CHSY3: variants seen among roughly 807,000 people sequenced by gnomAD.
CHSY3 encodes the protein N-acetylgalactosaminyl-proteoglycan 3-beta-glucuronosyltransferase 3.
CHSY3 carries 35 observed loss-of-function variants against 67.2 expected under a neutral mutation model. That is an observed-to-expected ratio of 0.52 (90% CI 0.40 to 0.69). CHSY3 has a LOEUF of 0.69. Among genes scored for constraint, CHSY3 ranks in the 30% least tolerant of loss-of-function variants. The pLI is 0.00. For missense variants in CHSY3, 1,069 were observed against 1,138.5 expected (o/e 0.94, Z 0.88); for synonymous variants, 474 against 434.7 (o/e 1.09, Z -1.12).
At chr5:130,001,685 T>C in intron 2 of CHSY3, 1 of 706,016 alleles carries the variant, frequency 1.4e-6, no homozygotes, top group Non-Finnish European at 1.7e-6. Flanking sequence ...GTCTTGACTA[T>C]TCACAATTAT....
At chr5:129,967,084 C>T (rs1026311215) in intron 2 of CHSY3, among the ~76,000 whole-genome samples, 3 of 151,690 alleles carry the variant, frequency 2.0e-5, no homozygotes, top group African/African-American at 7.3e-5. Context: ...AATCCAAAGC[C>T]CTTGTTTAAC....
chr5:129,977,384 T>G (rs765332988), intron 2 of CHSY3, among the ~76,000 whole-genome samples: 1 of 152,216 alleles, frequency 6.6e-6, no homozygotes, highest in Non-Finnish European at 1.5e-5. Context: ...CTTGGGACTA[T>G]CTGTACCTTT....
At chr5:130,139,858 T>C (rs1174136602) in intron 2 of CHSY3, among the ~76,000 whole-genome samples, 1 of 152,212 alleles carries the variant, frequency 6.6e-6, no homozygotes, top group Non-Finnish European at 1.5e-5. Context: ...TAATAGATCT[T>C]ACCTCAAAAG....
chr5:129,950,499 A>G (rs144178426), intron 2 of CHSY3, among the ~76,000 whole-genome samples: 68 of 152,246 alleles, frequency 4.5e-4, no homozygotes, highest in Non-Finnish European at 2.8e-4. Flanking sequence ...TTTGCAGATG[A>G]TATGCTCTTA....
At chr5:130,050,430 T>C (rs553587195) in intron 2 of CHSY3, among the ~76,000 whole-genome samples, 34 of 152,244 alleles carry the variant, frequency 2.2e-4, no homozygotes, top group South Asian at 4.1e-4. Context: ...ACACAAAGAA[T>C]ACAAATTTAT....
chr5:130,049,721 T>C (rs1009663780), intron 2 of CHSY3, among the ~76,000 whole-genome samples: 1 of 152,042 alleles, frequency 6.6e-6, no homozygotes, highest in Non-Finnish European at 1.5e-5. Context: ...GGTAGTTTTG[T>C]TCCACAGTCA....
chr5:130,144,648 A>G (rs1769016602), intron 2 of CHSY3, among the ~76,000 whole-genome samples: 1 of 152,180 alleles, frequency 6.6e-6, no homozygotes, highest in Non-Finnish European at 1.5e-5. Context: ...GAAATGGAAA[A>G]AAAATCTTAA....
At chr5:130,143,914 T>C (rs1367895735) in intron 2 of CHSY3, among the ~76,000 whole-genome samples, 3 of 146,648 alleles carry the variant, frequency 2.0e-5, no homozygotes, top group African/African-American at 7.5e-5. Flanking sequence ...TGTATACTTT[T>C]ACTAACTGCA....
intron 2 of CHSY3, among the ~76,000 whole-genome samples, chr5:130,027,740 C>T (rs910410338): frequency 2.0e-5 from 3 of 151,670 alleles, no homozygotes; most frequent in African/African-American, 4.8e-5. Context: ...TTTGTTCTTG[C>T]GATAGTTTGC....
chr5:130,071,680 T>A (rs1329330480), intron 2 of CHSY3, among the ~76,000 whole-genome samples: 1 of 151,892 alleles, frequency 6.6e-6, no homozygotes, highest in Non-Finnish European at 1.5e-5. Flanking sequence ...AACATGGAAG[T>A]TCAGATAGCT....
chr5:130,162,914 A>T (rs1363423246), intron 2 of CHSY3, among the ~76,000 whole-genome samples: 3 of 152,200 alleles, frequency 2.0e-5, no homozygotes, highest in African/African-American at 4.8e-5. Context: ...GAATGTAGCA[A>T]TATTGTGCTT....
rs550768367 is a variant in CHSY3, at chr5:129,908,915, A to G, written c.1086+555A>G. Among the ~76,000 whole-genome samples the G allele has an allele frequency of 1.8e-3, 272 of 152,290 alleles. 2 individuals are homozygous for G. Among genetic ancestry groups the G allele is most frequent in the African/African-American group, 6.4e-3 (264 of 41,564 alleles). On this transcript the variant is annotated intron_variant, in intron 2 of 2. Transcript: ENST00000305031. Reference sequence around the variant, plus strand: ...TGGTAGATGTATTCACAAAATTCCAATCACTGTATTTCCTTAGGCATACAA... The same window carrying G: ...TGGTAGATGTATTCACAAAATTCCAGTCACTGTATTTCCTTAGGCATACAA...
chr5:130,166,793 T>G (rs1769760899), intron 2 of CHSY3, among the ~76,000 whole-genome samples: 1 of 152,134 alleles, frequency 6.6e-6, no homozygotes, highest in African/African-American at 2.4e-5. Context: ...GTTAATAAAA[T>G]CAGCTGGAAG....
At chr5:130,069,088 G>A (rs2149680625) in intron 2 of CHSY3, among the ~76,000 whole-genome samples, 1 of 152,148 alleles carries the variant, frequency 6.6e-6, no homozygotes, top group South Asian at 2.1e-4. Context: ...ATTAGCTGAG[G>A]TTGAAAACAT....
At chr5:130,086,548 C>G (rs576222030) in intron 2 of CHSY3, among the ~76,000 whole-genome samples, 23 of 152,010 alleles carry the variant, frequency 1.5e-4, no homozygotes, top group Non-Finnish European at 2.9e-4. Flanking sequence ...ACCACCAATC[C>G]CACAGAAATA....
At chr5:129,989,256 C>A (rs1289441358) in intron 2 of CHSY3, among the ~76,000 whole-genome samples, 1 of 77,968 alleles carries the variant, frequency 1.3e-5, no homozygotes, top group East Asian at 4.1e-4. Context: ...GGGCAACAAA[C>A]TTGTTCTTTT....
intron 2 of CHSY3, among the ~76,000 whole-genome samples, chr5:130,159,729 T>A (rs1426629346): frequency 1.1e-4 from 17 of 152,148 alleles, no homozygotes; most frequent in Admixed American, 1.1e-3. Context: ...TAGATACACA[T>A]GACTAGAGGT....
At chr5:130,110,250 T>C (rs1397593679) in intron 2 of CHSY3, among the ~76,000 whole-genome samples, 2 of 151,872 alleles carry the variant, frequency 1.3e-5, no homozygotes, top group African/African-American at 4.8e-5. Context: ...TCTCATTTAA[T>C]TTCCTGACAA....
intron 2 of CHSY3, among the ~76,000 whole-genome samples, chr5:130,152,335 T>G (rs1769255681): frequency 6.6e-6 from 1 of 152,204 alleles, no homozygotes; most frequent in South Asian, 2.1e-4. Context: ...CTATATTCAG[T>G]AAGAAACAGC....
Sources: allele counts gnomAD v4.1 joint callset (sites outside exome capture counted in the v4.1 genomes callset), GRCh38; gene constraint gnomAD v4.1.1; transcripts MANE v1.5; gene names NCBI Gene and HGNC (gene_info 2026-07-23, HGNC 2026-07-21).